The following PRKN variants were observed in gnomAD, a reference collection of about 807,000 sequenced individuals.
PRKN encodes the protein parkin RBR E3 ubiquitin protein ligase.
In PRKN, 56 loss-of-function variants were observed where a neutral mutation model predicts 59.5. The observed-to-expected ratio is 0.94, with a 90% CI of 0.76 to 1.18. PRKN has a LOEUF of 1.18. Ranked by LOEUF, PRKN falls within the 50% of genes most tolerant of loss-of-function variation. The probability of loss-of-function intolerance (pLI) is 0.00; values close to 1 mark genes in which losing one functional copy is unlikely to be tolerated. For synonymous variants in PRKN, 250 were observed against 222.1 expected (o/e 1.13, Z -1.12); for missense variants, 657 against 596.4 (o/e 1.10, Z -1.06).
intron 1 of PRKN, among the ~76,000 whole-genome samples, chr6:162,669,282 G>A (rs1037625416): frequency 1.3e-5 from 2 of 151,804 alleles, no homozygotes; most frequent in Admixed American, 1.3e-4. Context: ...TAGATTAATA[G>A]CAACAAATTA....
intron 7 of PRKN, among the ~76,000 whole-genome samples, chr6:161,701,915 G>A (rs778971739): frequency 8.5e-5 from 13 of 152,216 alleles, no homozygotes; most frequent in Admixed American, 4.6e-4. Context: ...TCATGTGGTC[G>A]CCAGTGGGAA....
In PRKN at chr6:162,598,853, C is replaced by CAAA. The variant is rs35219327; in HGVS notation, c.7+128806_7+128808dup. ...GGGTGAAAGAGTGAGATTCTGTCAC[C>CAAA]AAAAAAAAAAAAAAAAAGCAATTGC... On this transcript the variant is annotated intron_variant, in intron 1 of 11. Transcript: ENST00000366898. Among the ~76,000 whole-genome samples, 146 of 106,800 alleles carry CAAA rather than the reference C, an allele frequency of 1.4e-3. 2 individuals carry two copies. The highest frequency in any genetic ancestry group is 6.1e-3 in the East Asian group (22 of 3,594). 70.1% of individuals were successfully genotyped at this position (106,800 alleles called of 152,430 possible). A position where few individuals can be genotyped will look rare whatever the true frequency, so the allele number is the denominator to read the frequency against.
At chr6:161,688,968 T>C (rs183470909) in intron 7 of PRKN, among the ~76,000 whole-genome samples, 2 of 152,310 alleles carry the variant, frequency 1.3e-5, no homozygotes, top group African/African-American at 2.4e-5. Context: ...CTGACTGAGA[T>C]CACCAAGGGA....
At chr6:162,104,375 T>C (rs1382828394) in intron 4 of PRKN, among the ~76,000 whole-genome samples, 4 of 152,154 alleles carry the variant, frequency 2.6e-5, no homozygotes, top group African/African-American at 9.7e-5. Flanking sequence ...AACCTTCCAA[T>C]ACTAATTAAC....
At chr6:162,621,008 C>T (rs1265186427) in intron 1 of PRKN, among the ~76,000 whole-genome samples, 1 of 152,174 alleles carries the variant, frequency 6.6e-6, no homozygotes, top group South Asian at 2.1e-4. Flanking sequence ...TAATGTTAGC[C>T]TGGTTTTCAT....
intron 6 of PRKN, among the ~76,000 whole-genome samples, chr6:161,948,413 G>T (rs556792393): frequency 2.6e-5 from 4 of 152,304 alleles, no homozygotes; most frequent in African/African-American, 9.6e-5. Flanking sequence ...TTTGTTAAGT[G>T]CTGGGGATAC....
intron 5 of PRKN, among the ~76,000 whole-genome samples, chr6:162,047,596 T>C (rs189712372): frequency 2.7e-5 from 4 of 148,924 alleles, no homozygotes; most frequent in African/African-American, 9.8e-5. Context: ...TCCTGAGAAA[T>C]TCTGAGTCTC....
intron 4 of PRKN, among the ~76,000 whole-genome samples, chr6:162,078,163 G>C (rs35039475): frequency 0.29 from 43,787 of 151,426 alleles, 6,918 homozygotes; most frequent in East Asian, 0.6. Context: ...AAAAATGTAT[G>C]GTATCAGCCA....
chr6:161,888,544 C>T (rs570387488), intron 6 of PRKN, among the ~76,000 whole-genome samples: 9 of 152,218 alleles, frequency 5.9e-5, no homozygotes, highest in Non-Finnish European at 1.2e-4. Context: ...GCATCCAAAA[C>T]CAACTGAATT....
At chr6:161,523,134 T>G (rs2115363672) in intron 9 of PRKN, among the ~76,000 whole-genome samples, 1 of 152,360 alleles carries the variant, frequency 6.6e-6, no homozygotes, top group South Asian at 2.1e-4. Context: ...TATTTTATTT[T>G]TCCATAATAA....
chr6:161,455,634 C>G (rs372884424), intron 9 of PRKN, among the ~76,000 whole-genome samples: 4 of 152,020 alleles, frequency 2.6e-5, no homozygotes, highest in African/African-American at 9.6e-5. Context: ...GGGAGGCTGA[C>G]GCGGGCAGAT....
At chr6:161,509,709 G>T (rs147270212) in intron 9 of PRKN, among the ~76,000 whole-genome samples, 152 of 151,808 alleles carry the variant, frequency 1.0e-3, no homozygotes, top group African/African-American at 3.4e-3. Flanking sequence ...GTGAAACCCC[G>T]TCTTTACTAA....
chr6:161,961,498 G>T (rs1780374972), intron 6 of PRKN, among the ~76,000 whole-genome samples: 3 of 152,148 alleles, frequency 2.0e-5, no homozygotes, highest in African/African-American at 7.2e-5. Flanking sequence ...TATTATAAAA[G>T]AATCTTGGGG....
chr6:162,192,175 A>G (rs1243152769), intron 4 of PRKN, among the ~76,000 whole-genome samples: 1 of 152,158 alleles, frequency 6.6e-6, no homozygotes, highest in Non-Finnish European at 1.5e-5. Context: ...ATCATCCTGC[A>G]CAATGAATAA....
At chr6:162,498,493 T>C (rs577655166) in intron 1 of PRKN, among the ~76,000 whole-genome samples, 4 of 135,060 alleles carry the variant, frequency 3.0e-5, no homozygotes, top group Non-Finnish European at 6.2e-5. Flanking sequence ...TTGCCCAGGC[T>C]GGAGTGCAAT....
At chr6:162,323,031 T>C (rs1046921178) in intron 2 of PRKN, among the ~76,000 whole-genome samples, 4 of 127,472 alleles carry the variant, frequency 3.1e-5, no homozygotes, top group African/African-American at 1.2e-4. Flanking sequence ...TGAGATCACA[T>C]GGACACAGGC....
chr6:162,648,791 G>A (rs962922363), intron 1 of PRKN, among the ~76,000 whole-genome samples: 1 of 152,202 alleles, frequency 6.6e-6, no homozygotes, highest in Non-Finnish European at 1.5e-5. Flanking sequence ...TATGTTATGT[G>A]TTAACTTAGC....
intron 5 of PRKN, among the ~76,000 whole-genome samples, chr6:162,027,738 TG>T (rs1199606324): frequency 6.6e-6 from 1 of 151,144 alleles, no homozygotes; most frequent in African/African-American, 2.4e-5. Flanking sequence ...TGCTGGGGGG[TG>T]GGAAGGGGCA....
intron 1 of PRKN, among the ~76,000 whole-genome samples, chr6:162,642,072 G>A (rs1441881015): frequency 6.6e-6 from 1 of 152,076 alleles, no homozygotes; most frequent in African/African-American, 2.4e-5. Context: ...TTACACAGTT[G>A]TGTTCCTTGT....
Sources: gnomAD v4.1 joint callset for allele counts (sites outside exome capture counted in the v4.1 genomes callset) on GRCh38, gnomAD v4.1.1 for gene constraint, MANE v1.5 for transcripts, NCBI Gene and HGNC (gene_info 2026-07-23, HGNC 2026-07-21) for gene names.